The following SLC3A1 variants were observed in gnomAD, a reference collection of about 807,000 sequenced individuals.
The protein encoded by SLC3A1 is amino acid transporter heavy chain SLC3A1.
Under a neutral mutation model 60.3 loss-of-function variants are expected in SLC3A1, and 78 were observed. The ratio of observed to expected loss-of-function variants is 1.29; its 90% CI spans 1.08 to 1.56. The LOEUF is 1.56. Among genes scored for constraint, SLC3A1 ranks in the 40% most tolerant of loss-of-function variants. The probability of loss-of-function intolerance (pLI) is 0.00; values close to 1 mark genes in which losing one functional copy is unlikely to be tolerated. For synonymous variants in SLC3A1, 392 were observed against 307.9 expected (o/e 1.27, Z -2.86); for missense variants, 1,172 against 858.9 (o/e 1.36, Z -4.56).
At chr2:44,304,510 G>C (rs935502136) in intron 7 of SLC3A1, among the ~76,000 whole-genome samples, 172 bp downstream of exon 7, 3 of 152,188 alleles carry the variant, frequency 2.0e-5, no homozygotes, top group African/African-American at 7.2e-5. Context: ...TTCATTAAGG[G>C]AGGGAGACTG....
intron 9 of SLC3A1, among the ~76,000 whole-genome samples, chr2:44,316,109 GCAGGCAACCAAAGA>G (rs1453963361): frequency 3.3e-5 from 5 of 152,246 alleles, no homozygotes; most frequent in Admixed American, 2.0e-4. Flanking sequence ...ATTATGAGAG[GCAGGCAACCAAAGA>G]CAGGCAAACA....
intron 7 of SLC3A1, among the ~76,000 whole-genome samples, chr2:44,310,591 T>C (rs1048745080): frequency 2.4e-4 from 36 of 152,192 alleles, no homozygotes; most frequent in African/African-American, 7.7e-4. Flanking sequence ...TTGACTGATA[T>C]GTCTAAGTGT....
intron 8 of SLC3A1, 142 bp from the exon 9 acceptor site, chr2:44,313,693 G>T (rs376219902): frequency 1.9e-5 from 14 of 755,192 alleles, no homozygotes; most frequent in Middle Eastern, 3.1e-4. Context: ...GAAAGTTGAG[G>T]CCTTTTCATC....
chr2:44,301,044 C>A lies in SLC3A1; in HGVS notation c.1053C>A (p.Thr351=). Residue 351 remains threonine, a synonymous_variant, in exon 6 of 10, where the codon ACC becomes ACA. Coordinates refer to ENST00000260649, the MANE Select transcript of SLC3A1 (RefSeq NM_000341.4). ...ACTCGGAGCTGTACCATGACTTCAC[C>A]ACCACGCAGGTGGGAATGCACGACA... ...TQYSELYHDF[T]TTQVGMHDIV... is the part of the protein sequence containing the mutation. 6.2e-7 allele frequency: 1 copy of A among 1,614,162 alleles called. No homozygotes were observed. The highest frequency in any genetic ancestry group is 1.3e-5 in the African/African-American group (1 of 75,046).
intron 7 of SLC3A1, among the ~76,000 whole-genome samples, chr2:44,306,241 T>C (rs1402536795): frequency 6.6e-6 from 1 of 152,194 alleles, no homozygotes; most frequent in Middle Eastern, 3.2e-3. Context: ...TTGATACTTT[T>C]CGCACAGATC....
chr2:44,311,878 G>A (rs1191962403), intron 7 of SLC3A1, among the ~76,000 whole-genome samples: 2 of 152,092 alleles, frequency 1.3e-5, no homozygotes, highest in Non-Finnish European at 2.9e-5. Flanking sequence ...AACGGAGATA[G>A]TACTTGCTAG....
At chr2:44,302,112 T>C (rs918559262) in intron 6 of SLC3A1, among the ~76,000 whole-genome samples, 1 of 152,206 alleles carries the variant, frequency 6.6e-6, no homozygotes, top group Non-Finnish European at 1.5e-5. Flanking sequence ...TCATTGTTAT[T>C]GGATCTATAG....
chr2:44,290,235 AC>A (rs1671711988), intron 4 of SLC3A1, among the ~76,000 whole-genome samples: 1 of 151,556 alleles, frequency 6.6e-6, no homozygotes, highest in Admixed American at 6.6e-5. Flanking sequence ...AAATCAATTG[AC>A]CATAAATGCA....
chr2:44,305,429 T>G (rs796541858), intron 7 of SLC3A1, among the ~76,000 whole-genome samples: 434 of 10,574 alleles, frequency 0.041, 2 homozygotes, highest in African/African-American at 0.24. Context: ...TTTTCTTACT[T>G]TTTTTTTTTT....
chr2:44,297,855 C>T (rs1317498054), intron 4 of SLC3A1, among the ~76,000 whole-genome samples: 1 of 152,146 alleles, frequency 6.6e-6, no homozygotes, highest in African/African-American at 2.4e-5. Context: ...ACCTCAGCCT[C>T]CTAAATTGCT....
At chr2:44,281,251 T>A in intron 2 of SLC3A1, 136 bp from the exon 3 acceptor site, 1 of 699,038 alleles carries the variant, frequency 1.4e-6, no homozygotes, top group Non-Finnish European at 2.5e-6. Flanking sequence ...CTCCACCTCC[T>A]GGGCTCAAGC....
intron 8 of SLC3A1, among the ~76,000 whole-genome samples, 158 bp from the exon 9 acceptor site, chr2:44,313,677 T>C (rs1156635293): frequency 6.6e-6 from 1 of 152,256 alleles, no homozygotes; most frequent in African/African-American, 2.4e-5. Flanking sequence ...AACTGGTTTA[T>C]GTACCGAAAG....
intron 6 of SLC3A1, among the ~76,000 whole-genome samples, chr2:44,302,116 T>G (rs937512703): frequency 1.3e-5 from 2 of 152,184 alleles, no homozygotes; most frequent in Non-Finnish European, 2.9e-5. Context: ...TGTTATTGGA[T>G]CTATAGTTTC....
intron 6 of SLC3A1, among the ~76,000 whole-genome samples, chr2:44,302,964 C>G (rs1190211255): frequency 6.6e-6 from 1 of 152,002 alleles, no homozygotes; most frequent in Non-Finnish European, 1.5e-5. Flanking sequence ...TTTGGGAGGC[C>G]AAGGCAGGCA....
At chr2:44,303,214 C>CA (rs563902938) in intron 6 of SLC3A1, among the ~76,000 whole-genome samples, 46 of 145,728 alleles carry the variant, frequency 3.2e-4, no homozygotes, top group Admixed American at 1.2e-3. Context: ...GAAACAATAA[C>CA]AAAAAAACAA....
At chr2:44,285,888 G>A in intron 3 of SLC3A1, 144 bp from the exon 4 acceptor site, 1 of 1,046,354 alleles carries the variant, frequency 9.6e-7, no homozygotes, top group Non-Finnish European at 1.5e-6. Context: ...TTTGGAAGGG[G>A]TTTCTTTAAC....
chr2:44,278,183 G>T (rs936373083), intron 1 of SLC3A1, among the ~76,000 whole-genome samples: 11 of 152,076 alleles, frequency 7.2e-5, no homozygotes, highest in Admixed American at 6.6e-4. Flanking sequence ...GGTGGCTCAC[G>T]CCTGTAATCC....
chr2:44,277,908 A>AT (rs1671385612), intron 1 of SLC3A1, among the ~76,000 whole-genome samples: 1 of 152,148 alleles, frequency 6.6e-6, no homozygotes, highest in Non-Finnish European at 1.5e-5. Flanking sequence ...TATTATGAAG[A>AT]TCCCATTCCA....
At chr2:44,303,801 A>G (rs28558584) in intron 6 of SLC3A1, 3 of 448,290 alleles carry the variant, frequency 6.7e-6, no homozygotes, top group African/African-American at 2.0e-5. Flanking sequence ...TCGTTATTCA[A>G]CTCCCACCTA....
Sources: allele counts gnomAD v4.1 joint callset (sites outside exome capture counted in the v4.1 genomes callset), GRCh38; gene constraint gnomAD v4.1.1; transcripts MANE v1.5; gene names NCBI Gene and HGNC (gene_info 2026-07-23, HGNC 2026-07-21).